MGA: variants seen among roughly 807,000 people sequenced by gnomAD.
The protein encoded by MGA is MAX dimerization protein MGA.
In MGA, 40 loss-of-function variants were observed where a neutral mutation model predicts 261.1. The observed-to-expected ratio is 0.15, with a 90% confidence interval of 0.12 to 0.20. The LOEUF (loss-of-function observed/expected upper bound fraction) is 0.20, where lower values mean the gene tolerates loss of function less well. MGA is among the 10% of genes least tolerant of loss of function. The probability of loss-of-function intolerance (pLI) is 1.00; values close to 1 mark genes in which losing one functional copy is unlikely to be tolerated. For missense variants in MGA, 3,397 were observed against 3,630.5 expected (o/e 0.94, Z 1.65); for synonymous variants, 1,302 against 1,290.6 (o/e 1.01, Z -0.19).
chr15:41,718,423 G>T, intron 9 of MGA: 2 of 1,273,572 alleles, frequency 1.6e-6, no homozygotes, highest in Non-Finnish European at 2.2e-6. Flanking sequence ...AACACAGATC[G>T]CAGGTAGCCC....
At position 41,762,301 on chromosome 15, in the gene MGA, G is replaced by A. The variant is rs1385769594; in HGVS notation, c.7683G>A (p.Met2561Ile). 6.2e-7 allele frequency: 1 copy of A among 1,613,822 alleles called. No homozygotes were observed. The highest frequency in any genetic ancestry group is 1.1e-5 in the South Asian group (1 of 91,080). ...CATCATCTGTAGATCTTGGACAGAT[G>A]TTTATAAATAACAGGAGGGGGAAAC... The change falls in exon 22 of 24, where the codon ATG (methionine) becomes ATA (isoleucine). Residue 2561 changes from methionine to isoleucine, a missense_variant. Met to Ile is a conservative substitution (Grantham distance 10). Around this residue, in one of 9 missense-constraint regions of MGA, gnomAD observed 647 missense variants for 642.4 expected, o/e 1.01. Coordinates refer to ENST00000219905, the MANE Select transcript of MGA (RefSeq NM_001164273.2).
At chr15:41,623,917 C>T (rs1337040315) in intron 1 of MGA, among the ~76,000 whole-genome samples, 1 of 151,496 alleles carries the variant, frequency 6.6e-6, no homozygotes, top group Non-Finnish European at 1.5e-5. Context: ...AGGTGTCTCC[C>T]ACTACACCTG....
intron 2 of MGA, among the ~76,000 whole-genome samples, chr15:41,672,397 T>G (rs2035301151): frequency 6.6e-6 from 1 of 152,200 alleles, no homozygotes; most frequent in African/African-American, 2.4e-5. Flanking sequence ...TGAAGCGATC[T>G]GTCAGCCTTG....
chr15:41,697,587 T>C (rs2059608538), intron 3 of MGA, among the ~76,000 whole-genome samples: 1 of 151,998 alleles, frequency 6.6e-6, no homozygotes, highest in South Asian at 2.1e-4. Context: ...CAGCTAATTT[T>C]TGTAATTTTG....
At chr15:41,706,225 A>C (rs898517984) in intron 5 of MGA, among the ~76,000 whole-genome samples, 4 of 138,878 alleles carry the variant, frequency 2.9e-5, no homozygotes, top group African/African-American at 7.9e-5. Context: ...CAACAGAGTG[A>C]GACTCCATCT....
At chr15:41,713,794 G>T (rs1008188127) in intron 9 of MGA, among the ~76,000 whole-genome samples, 1 of 152,110 alleles carries the variant, frequency 6.6e-6, no homozygotes, top group Non-Finnish European at 1.5e-5. Context: ...TGGATTGTGC[G>T]CATGTGCACA....
intron 1 of MGA, among the ~76,000 whole-genome samples, chr15:41,649,744 A>G (rs929660701): frequency 5.3e-5 from 8 of 152,138 alleles, no homozygotes; most frequent in South Asian, 2.1e-4. Context: ...CAGTGGTGCA[A>G]TTTCAGCTCA....
At chr15:41,623,077 T>G (rs534090779) in intron 1 of MGA, among the ~76,000 whole-genome samples, 1 of 152,344 alleles carries the variant, frequency 6.6e-6, no homozygotes, top group East Asian at 1.9e-4. Context: ...AGTACTGTTA[T>G]CTCCGTTTTA....
chr15:41,656,344 T>TCTCTCTCTCTCTCTC (rs149903830), upstream of MGA, among the ~76,000 whole-genome samples: 274 of 59,848 alleles, frequency 4.6e-3, 12 homozygotes, highest in Admixed American at 5.6e-3. Flanking sequence ...CTCTCCTCTC[T>TCTCTCTCTCTCTCTC]TCTCTCTCTC....
intron 2 of MGA, chr15:41,691,553 A>C (rs1161461757): frequency 2.4e-6 from 1 of 411,582 alleles, no homozygotes. Flanking sequence ...TCCTGATAGA[A>C]TCTCTAGTAC....
At chr15:41,686,726 C>T (rs947065206) in intron 2 of MGA, among the ~76,000 whole-genome samples, 2 of 151,922 alleles carry the variant, frequency 1.3e-5, no homozygotes, top group Non-Finnish European at 2.9e-5. Context: ...TTTCTAAATC[C>T]ATTGAAATAC....
chr15:41,652,209 G>GT (rs2057079044), intron 1 of MGA, among the ~76,000 whole-genome samples: 1 of 149,826 alleles, frequency 6.7e-6, no homozygotes, highest in Admixed American at 6.7e-5. Flanking sequence ...TCCTGAGCTC[G>GT]TGATCCACCC....
Position 41,742,791 on chromosome 15 carries a change from G to A in MGA, c.4831G>A (p.Ala1611Thr), listed in dbSNP as rs2062191956. ...TCAAGTGTTTTTAGAAAATACTACT[G>A]CTGTGACACCTATGACTGCTATTTC... The change falls in exon 15 of 24, where the codon GCT becomes ACT. Residue 1611 changes from alanine to threonine, a missense_variant. By Grantham distance (58) the Ala-to-Thr change is moderately conservative. Coordinates refer to ENST00000219905, the MANE Select transcript of MGA (RefSeq NM_001164273.2). The A allele has an allele frequency of 6.2e-7, 1 of 1,613,906 alleles. No individual in the cohort carries two copies. Among genetic ancestry groups the A allele is most frequent in the Non-Finnish European group, 8.5e-7 (1 of 1,179,878 alleles).
intron 13 of MGA, 96 bp downstream of exon 13, chr15:41,736,794 C>A: frequency 7.6e-7 from 1 of 1,322,560 alleles, no homozygotes; most frequent in Non-Finnish European, 1.0e-6. Context: ...TATCCTTTAT[C>A]TTGACATTTC....
upstream of MGA, among the ~76,000 whole-genome samples, chr15:41,656,529 A>T (rs1426735072): frequency 6.6e-6 from 1 of 150,408 alleles, no homozygotes; most frequent in Admixed American, 6.6e-5. Flanking sequence ...TTTTATTTTT[A>T]TTTTATTTTT....
intron 19 of MGA, among the ~76,000 whole-genome samples, chr15:41,758,554 AATTT>A (rs1314868847): frequency 4.6e-5 from 7 of 152,280 alleles, no homozygotes; most frequent in South Asian, 2.1e-4. Context: ...GGCTTTTAAA[AATTT>A]ATTCTGAAGC....
In MGA at chr15:41,754,499, G is replaced by T; in HGVS notation, c.7071G>T (p.Glu2357Asp). Residue 2357 changes from glutamate to aspartate, a missense_variant, in exon 18 of 24, where the codon GAG becomes GAT. Transcript: ENST00000219905. ...ACGTGGACATTGAGACTGTAGAAGA[G>T]CTCTCAGAGGAAATTAATGTTGCTC... is the stretch of plus-strand genomic sequence containing the variant. The T allele has an allele frequency of 6.4e-7, 1 of 1,574,378 alleles. No homozygotes were observed. The highest frequency in any genetic ancestry group is 8.6e-7 in the Non-Finnish European group (1 of 1,157,982).
rs376635271 is a variant in MGA at position 41,749,605 on chromosome 15, G to T, written c.5998G>T (p.Ala2000Ser). Residue 2000 changes from alanine to serine, a missense_variant, in exon 17 of 24, where the codon GCT becomes TCT. Physicochemically the swap from Ala to Ser is moderately conservative, Grantham distance 99. This residue lies in a region of MGA where 1,410 missense variants were observed against 1,386.4 expected (regional missense o/e 1.02). Coordinates refer to ENST00000219905, the MANE Select transcript of MGA (RefSeq NM_001164273.2). ...GAAGGTTCTACAGTCAGAAGGAGAGGCTGTAGACCCTGAGGCTAATGTAAT... is the reference window on the plus strand; with the variant it reads ...GAAGGTTCTACAGTCAGAAGGAGAGTCTGTAGACCCTGAGGCTAATGTAAT... 5 of 1,613,698 alleles carry T rather than the reference G, an allele frequency of 3.1e-6. No homozygotes were observed. Among genetic ancestry groups the T allele is most frequent in the South Asian group, 1.1e-5 (1 of 91,082 alleles).
Position 41,630,826 on chromosome 15 carries a change from C to G in MGA, c.-68+9528C>G, listed in dbSNP as rs2150546846. On this transcript the variant is annotated intron_variant, in intron 1 of 8. Transcript: ENST00000566718. ...GAGATGGAACCTAATGTAATAAATC[C>G]AGTAGAATCAGCAGTACTCACCCCA... Among the ~76,000 whole-genome samples the G allele has an allele frequency of 2.0e-5, 3 of 152,190 alleles. 1 individual carries two copies. In the South Asian group the frequency reaches 6.2e-4, roughly 32 times the overall value.
Sources: allele counts gnomAD v4.1 joint callset (sites outside exome capture counted in the v4.1 genomes callset), GRCh38; gene constraint gnomAD v4.1.1; regional missense constraint gnomAD v4.1.1; transcripts MANE v1.5; gene names NCBI Gene and HGNC (gene_info 2026-07-23, HGNC 2026-07-21).